The following TTN variants were observed in gnomAD, a reference collection of about 807,000 sequenced individuals.
The protein encoded by TTN is connectin.
TTN carries 1,525 observed loss-of-function variants against 3,223.0 expected under a neutral mutation model. The observed-to-expected ratio is 0.47, with a 90% CI of 0.45 to 0.49. The LOEUF is 0.49. Ranked by LOEUF, TTN falls within the 20% of genes least tolerant of loss-of-function variation. The pLI, the probability that TTN is intolerant of heterozygous loss-of-function variation, is 0.00. For synonymous variants in TTN, 14,094 were observed against 15,161.0 expected, an observed-to-expected ratio of 0.93 and a Z score of 5.17; for missense variants, 40,786 against 43,424.0, an observed-to-expected ratio of 0.94 and a Z score of 5.40.
Position 178,717,253 on chromosome 2 carries a change from C to T in TTN, c.25481G>A (p.Arg8494Gln), listed in dbSNP as rs201418615. 183 of 1,613,692 alleles carry T rather than the reference C, an allele frequency of 1.1e-4. 1 individual carries two copies. The African/African-American group carries it at 1.9e-3, about 17-fold the overall frequency. The change falls in exon 88 of 363, where the codon CGA (arginine) becomes CAA (glutamine). Residue 8494 changes from arginine (R) to glutamine (Q), a missense_variant. Transcript: ENST00000589042. ...GTAGTTGCCTCCAGGGCGAATCTCT[C>T]GGTTATCTTTGGCCCAAGTGATTTT... ...PIKITWAKDNREIRPGGNYKM... is the reference protein window; with the variant it reads ...PIKITWAKDNQEIRPGGNYKM...
intron 47 of TTN, chr2:178,750,657 G>A (rs769571004): frequency 5.6e-6 from 9 of 1,612,560 alleles, no homozygotes; most frequent in Admixed American, 1.7e-5. Flanking sequence ...TCATCAATTC[G>A]TGTAGAAGCA....
chr2:178,645,863 A>G, intron 217 of TTN, 57 bp downstream of exon 217: 1 of 1,104,078 alleles, frequency 9.1e-7, no homozygotes, highest in Non-Finnish European at 1.3e-6. Context: ...ATCATTTCAG[A>G]TGGCTGGATA....
Position 178,563,607 on chromosome 2 carries a change from G to A in TTN, c.82525C>T (p.Arg27509Ter), listed in dbSNP as rs1575649368. Residue 27509 changes from arginine to a stop codon, truncating the protein, a stop_gained, in exon 326 of 363, where the codon CGA becomes TGA. Coordinates refer to ENST00000589042, the MANE Select transcript of TTN (RefSeq NM_001267550.2). LOFTEE classifies it high-confidence loss of function. This position sits in a 1 kb window ranked among gnomAD's most constrained non-coding sequence, Gnocchi z 4.5. ...GTCCATCTAACGCCTTCCTTATCTC[G>A]TTTTTCAAGAATGTAGCCCTCAATT... The part of the protein sequence containing the change: ...TEIEGYILEK[R>*]DKEGVRWTKC... 2 of 1,613,572 alleles carry A rather than the reference G, an allele frequency of 1.2e-6. No individual in the cohort carries two copies. The highest frequency in any genetic ancestry group is 8.5e-7 in the Non-Finnish European group (1 of 1,179,752).
In TTN at chr2:178,562,564, T is replaced by C; in HGVS notation, c.83568A>G (p.Glu27856=). 6.2e-7 allele frequency: 1 copy of C among 1,610,690 alleles called. No individual in the cohort carries two copies. Among genetic ancestry groups the C allele is most frequent in the Non-Finnish European group, 8.5e-7 (1 of 1,178,602 alleles). Reference sequence around the variant, plus strand: ...GGGGTGGTTCAGACACTTTAACGGGTTCTGTTGTTTCAGCTGGCAAACCAA... The same window carrying C: ...GGGGTGGTTCAGACACTTTAACGGGCTCTGTTGTTTCAGCTGGCAAACCAA... The part of the protein sequence containing the change: ...YGIGLPAETT[E]PVKVSEPPLP... The change falls in exon 326 of 363, where the codon GAA becomes GAG. Residue 27856 remains glutamate, a synonymous_variant. Transcript: ENST00000589042.
chr2:178,530,800 GT>G lies in TTN; in HGVS notation c.105814del (p.Thr35272HisfsTer21), dbSNP rs759645441. The G allele has an allele frequency of 6.2e-7, 1 of 1,613,902 alleles. No individual in the cohort carries two copies. Among genetic ancestry groups the G allele is most frequent in the African/African-American group, 1.3e-5 (1 of 75,010 alleles). On this transcript the variant is annotated frameshift_variant, in exon 358 of 363. Transcript: ENST00000589042. LOFTEE classifies it high-confidence loss of function. ...GAGGTGCTGAACTTTCTCTGTTGGT[GT>G]TGGTTTTGTCTCTGTGGGTGATACG... Reference protein sequence around the residue: ...KAVSPTETKPTPTEKVQHLPV... With the variant: ...KAVSPTETKPXPTEKVQHLPV...
At position 178,593,661 on chromosome 2, in the gene TTN, C is replaced by T. The variant is rs886055260; in HGVS notation, c.58639G>A (p.Gly19547Arg). 6.2e-7 allele frequency: 1 copy of T among 1,613,156 alleles called. No individual in the cohort carries two copies. Among genetic ancestry groups the T allele is most frequent in the Non-Finnish European group, 8.5e-7 (1 of 1,179,562 alleles). ...TGTATCCGGAAAATATAATCTTTTC[C>T]TTCAAGTAGTTTAGAAACTTTGCAT... is the stretch of plus-strand genomic sequence containing the variant. ...TTCKVSKLLE[G>R]KDYIFRIHAE... Residue 19547 changes from glycine (G) to arginine (R), a missense_variant, in exon 298 of 363, where the codon GGA (glycine) becomes AGA (arginine). By Grantham distance (125) the Gly-to-Arg change is moderately radical. Coordinates refer to ENST00000589042, the MANE Select transcript of TTN (RefSeq NM_001267550.2).
At chr2:178,675,254 G>A (rs138202709) in intron 149 of TTN, 141 bp from the exon 150 acceptor site, 10 of 519,660 alleles carry the variant, frequency 1.9e-5, no homozygotes, top group African/African-American at 8.1e-5. Context: ...TCACAGAATC[G>A]GTTAATGAGA....
At position 178,558,573 on chromosome 2, in the gene TTN, G is replaced by C. The variant is rs1702378453; in HGVS notation, c.86886C>G (p.Thr28962=). The C allele has an allele frequency of 1.2e-6, 2 of 1,613,652 alleles. No individual in the cohort carries two copies. The highest frequency in any genetic ancestry group is 2.2e-5 in the East Asian group (1 of 44,800). The part of the protein sequence containing the change: ...TSISKDSVSL[T]WLKPEHDGGS... The stretch of plus-strand genomic sequence containing the variant: ...CGCCATCATGTTCAGGCTTCAGCCA[G>C]GTCAGGGAAACACTGTCTTTGGATA... Residue 28962 remains threonine (T), a synonymous_variant, in exon 327 of 363, where the codon ACC becomes ACG. Transcript: ENST00000589042.
chr2:178,527,147 A>G lies in TTN; in HGVS notation c.107841T>C (p.Ile35947=). The G allele has an allele frequency of 6.2e-7, 1 of 1,613,946 alleles. No individual in the cohort carries two copies. Among genetic ancestry groups the G allele is most frequent in the East Asian group, 2.2e-5 (1 of 44,878 alleles). Residue 35947 remains isoleucine (I), a synonymous_variant, in exon 363 of 363, where the codon ATT becomes ATC. Coordinates refer to ENST00000589042, the MANE Select transcript of TTN (RefSeq NM_001267550.2). ...IHSQEQGRFH[I]ENTDDLTTLI... The stretch of plus-strand genomic sequence containing the variant: ...GGGTTGTCAGGTCATCTGTGTTTTC[A>G]ATGTGGAACCTCCCCTGTTCTTGAC...
Position 178,633,198 on chromosome 2 carries a change from T to C in TTN, c.43075A>G (p.Thr14359Ala), listed in dbSNP as rs1472230536. 6 of 1,612,728 alleles carry C rather than the reference T, an allele frequency of 3.7e-6. No individual in the cohort carries two copies. Among genetic ancestry groups the C allele is most frequent in the Non-Finnish European group, 3.4e-6 (4 of 1,179,284 alleles). Residue 14359 changes from threonine to alanine, a missense_variant, in exon 233 of 363, where the codon ACA becomes GCA. Transcript: ENST00000589042. ...GQWKLKGQPL[T>A]ASPDCEIIED... ...TAATCTTGACTTACAGGGGAAGCTG[T>C]CAAAGGCTGTCCTTTCAGCTTCCAC...
At position 178,783,823 on chromosome 2, in the gene TTN, A is replaced by C. The variant is rs1290883945; in HGVS notation, c.2776-38T>G. On this transcript the variant is annotated intron_variant, in intron 16 of 362. Transcript: ENST00000589042. ...AAATTATATTACAAAATGCTCATGA[A>C]ATTAAGGGAAATCTCATAAACTCTT... The C allele has an allele frequency of 3.2e-6, 5 of 1,542,978 alleles. No homozygotes were observed. The Admixed American group carries it at 8.4e-5, about 26-fold the overall frequency.
In TTN at chr2:178,700,935, T is replaced by A. The variant is rs568454613; in HGVS notation, c.30682+185A>T. Among the ~76,000 whole-genome samples, 3 of 152,346 alleles carry A rather than the reference T, an allele frequency of 2.0e-5. No individual in the cohort carries two copies. The East Asian group carries it at 5.8e-4, about 29-fold the overall frequency. On this transcript the variant is annotated intron_variant, in intron 111 of 362. Transcript: ENST00000589042. ...CCAAAATAGTATTTTGTTTGATGATTTTCAGAGTTTTAAGCACATAACTTA... is the reference window on the plus strand; with the variant it reads ...CCAAAATAGTATTTTGTTTGATGATATTCAGAGTTTTAAGCACATAACTTA...
rs920111568 is a variant in TTN at position 178,608,269 on chromosome 2, G to A, written c.52614C>T (p.Leu17538=). 6.2e-7 allele frequency: 1 copy of A among 1,611,700 alleles called. No individual in the cohort carries two copies. The highest frequency in any genetic ancestry group is 8.5e-7 in the Non-Finnish European group (1 of 1,178,838). ...CAGCACATACTCTGAAGACATAGGT[G>A]AGTCCTTCTAATAAGCCATCTACAT... is the stretch of plus-strand genomic sequence containing the variant. ...KANVDGLLEG[L]TYVFRVCAEN... The change falls in exon 275 of 363, where the codon CTC becomes CTT. Residue 17538 remains leucine (L), a synonymous_variant. Coordinates refer to ENST00000589042, the MANE Select transcript of TTN (RefSeq NM_001267550.2).
chr2:178,780,107 C>T lies in TTN; in HGVS notation c.3622G>A (p.Gly1208Arg). Reference protein sequence around the residue: ...QEPKVGETAPGFVYSEYEKEY... With the variant: ...QEPKVGETAPRFVYSEYEKEY... ...TTTTCATACTCAGAGTATACAAATCCAGGTGCTGTTTCTCCAACTTTAGGT... is the reference window on the plus strand; with the variant it reads ...TTTTCATACTCAGAGTATACAAATCTAGGTGCTGTTTCTCCAACTTTAGGT... Residue 1208 changes from glycine (G) to arginine (R), a missense_variant, in exon 22 of 363, where the codon GGA becomes AGA. Gly to Arg is a moderately radical substitution (Grantham distance 125). Transcript: ENST00000589042. 6.2e-7 allele frequency: 1 copy of T among 1,613,758 alleles called. No homozygotes were observed. The highest frequency in any genetic ancestry group is 8.5e-7 in the Non-Finnish European group (1 of 1,179,814).
chr2:178,745,602 C>T (rs985105737), intron 47 of TTN: 2 of 1,612,470 alleles, frequency 1.2e-6, no homozygotes, highest in African/African-American at 1.3e-5. Flanking sequence ...AAGGTGAGTG[C>T]TGCAAAGCTC....
Position 178,609,393 on chromosome 2 carries a change from C to T in TTN, c.51917G>A (p.Gly17306Asp), listed in dbSNP as rs1559758942. ...RAAPLVRRRK[G>D]EVQEEEPFVL... is the part of the protein sequence containing the mutation. ...AAATGGTTCTTCTTCTTGAACTTCACCCTTCCTTCTCCTAACCAAGGGTGC... is the reference window on the plus strand; with the variant it reads ...AAATGGTTCTTCTTCTTGAACTTCATCCTTCCTTCTCCTAACCAAGGGTGC... Residue 17306 changes from glycine to aspartate, a missense_variant, in exon 273 of 363, where the codon GGT becomes GAT. Gly to Asp is a moderately conservative substitution (Grantham distance 94). Transcript: ENST00000589042. 1.2e-6 allele frequency: 2 copies of T among 1,612,288 alleles called. No homozygotes were observed. The highest frequency in any genetic ancestry group is 1.1e-5 in the South Asian group (1 of 91,010).
rs869312043 is a variant in TTN, at chr2:178,636,098, G to A, written c.41473C>T (p.Arg13825Ter). 1.2e-6 allele frequency: 2 copies of A among 1,613,090 alleles called. No homozygotes were observed. The highest frequency in any genetic ancestry group is 1.7e-6 in the Non-Finnish European group (2 of 1,179,478). Residue 13825 changes from arginine to a stop codon, truncating the protein, a stop_gained, in exon 226 of 363, where the codon CGA (arginine) becomes TGA (stop). Coordinates refer to ENST00000589042, the MANE Select transcript of TTN (RefSeq NM_001267550.2). LOFTEE classifies it high-confidence loss of function. The surrounding 1 kb of genome is among the most constrained non-coding windows in gnomAD (Gnocchi z 4.3). ...DGKIVVEKPG[R>*]IVPGVIGLMR... is the part of the protein sequence containing the mutation. ...AAGCCAATGACGCCTGGCACAATTC[G>A]GCCAGGTTTCTCCACCACAATCTTG...
rs2078973512 is a variant in TTN at position 178,724,371 on chromosome 2, T to G, written c.21004A>C (p.Ile7002Leu). 6.2e-7 allele frequency: 1 copy of G among 1,613,394 alleles called. No individual in the cohort carries two copies. Among genetic ancestry groups the G allele is most frequent in the African/African-American group, 1.3e-5 (1 of 74,882 alleles). ...ACTGAGAGAATCCTTAAGGAAGAGATTTTGTTGTAGAAGCTAAATTTGTGT... is the reference window on the plus strand; with the variant it reads ...ACTGAGAGAATCCTTAAGGAAGAGAGTTTGTTGTAGAAGCTAAATTTGTGT... ...QKHKFSFYNK[I>L]SSLRILSVER... The change falls in exon 72 of 363, where the codon ATC (isoleucine) becomes CTC (leucine). Residue 7002 changes from isoleucine to leucine, a missense_variant. Ile to Leu is a conservative substitution (Grantham distance 5). Transcript: ENST00000589042.
intron 34 of TTN, 133 bp downstream of exon 34, chr2:178,771,078 G>A (rs2091413479): frequency 7.0e-7 from 1 of 1,420,126 alleles, no homozygotes; most frequent in Admixed American, 1.9e-5. Flanking sequence ...TCTCAGGAAG[G>A]TTTAGAGGAT....
Sources: allele counts gnomAD v4.1 joint callset (sites outside exome capture counted in the v4.1 genomes callset), GRCh38; gene constraint gnomAD v4.1.1; non-coding constraint Gnocchi (gnomAD v3.1); transcripts MANE v1.5; gene names NCBI Gene and HGNC (gene_info 2026-07-23, HGNC 2026-07-21).